Variants in CLCA1 observed in about 807,000 individuals in gnomAD.
The protein encoded by CLCA1 is calcium-activated chloride channel regulator 1.
CLCA1 carries 59 observed loss-of-function variants against 85.6 expected under a neutral mutation model. That is an observed-to-expected ratio of 0.69 (90% CI 0.56 to 0.86). The LOEUF is 0.86. CLCA1 is among the 40% of genes least tolerant of loss of function. The probability of loss-of-function intolerance (pLI) is 0.00; values close to 1 mark genes in which losing one functional copy is unlikely to be tolerated. For missense variants in CLCA1, 1,022 were observed against 1,101.4 expected (o/e 0.93, Z 1.02); for synonymous variants, 396 against 398.3 (o/e 0.99, Z 0.07).
chr1:86,493,547 T>C lies in CLCA1; in HGVS notation c.1628T>C (p.Val543Ala). Residue 543 changes from valine (V) to alanine (A), a missense_variant, in exon 10 of 14, where the codon GTA (valine) becomes GCA (alanine). Physicochemically the swap from Val to Ala is moderately conservative, Grantham distance 64. Transcript: ENST00000394711. ...AGTGGACAGAAGCAAGGTGGCTTTG[T>C]AGTGGACAAAAACACCAAAATGGCC... ...DPSGQKQGGF[V>A]VDKNTKMAYL... 1.2e-6 allele frequency: 2 copies of C among 1,614,168 alleles called. No homozygotes were observed. Among genetic ancestry groups the C allele is most frequent in the Non-Finnish European group, 1.7e-6 (2 of 1,180,014 alleles).
intron 10 of CLCA1, 48 bp downstream of exon 10, chr1:86,493,647 A>G: frequency 1.3e-5 from 18 of 1,406,166 alleles, no homozygotes; most frequent in Non-Finnish European, 1.6e-5. Context: ...AAGATAAAAT[A>G]AAGTTTTTAC....
At chr1:86,476,358 A>G (rs1251184621) in intron 3 of CLCA1, 90 bp from the exon 4 acceptor site, 5 of 669,906 alleles carry the variant, frequency 7.5e-6, no homozygotes, top group African/African-American at 5.4e-5. Context: ...ACAGCAAAGC[A>G]TAAATATTCC....
At position 86,493,503 on chromosome 1, in the gene CLCA1, A is replaced by T; in HGVS notation, c.1584A>T (p.Gln528His). Residue 528 changes from glutamine (Q) to histidine (H), a missense_variant, in exon 10 of 14, where the codon CAA (glutamine) becomes CAT (histidine). By Grantham distance (24) the Gln-to-His change is conservative (BLOSUM62 0). Coordinates refer to ENST00000394711, the MANE Select transcript of CLCA1 (RefSeq NM_001285.4). The stretch of plus-strand genomic sequence containing the variant: ...TCACCTGGACAATGCAGCCTCCCCA[A>T]ATCCTTCTCTGGGATCCCAGTGGAC... ...FLITWTMQPP[Q>H]ILLWDPSGQK... 6.2e-7 allele frequency: 1 copy of T among 1,614,054 alleles called. No individual in the cohort carries two copies. Among genetic ancestry groups the T allele is most frequent in the Non-Finnish European group, 8.5e-7 (1 of 1,179,952 alleles).
rs1472452072 is a variant in CLCA1 at position 86,489,190 on chromosome 1, G to C, written c.1357+20G>C. On this transcript the variant is annotated intron_variant, in intron 8 of 13. Transcript: ENST00000394711. ...TGACAGGTGAGGGATGATTTGCTGA[G>C]ACCCCCGGTATTGTCTCTCCTACTG... 2.5e-6 allele frequency: 4 copies of C among 1,608,750 alleles called. No individual in the cohort carries two copies. The highest frequency in any genetic ancestry group is 3.4e-6 in the Non-Finnish European group (4 of 1,177,234).
At chr1:86,476,355 A>C in intron 3 of CLCA1, 93 bp from the exon 4 acceptor site, 1 of 635,984 alleles carries the variant, frequency 1.6e-6, no homozygotes, top group Non-Finnish European at 2.9e-6. Context: ...AACACAGCAA[A>C]GCATAAATAT....
intron 3 of CLCA1, 121 bp downstream of exon 3, chr1:86,473,997 C>T: frequency 1.6e-6 from 1 of 620,422 alleles, no homozygotes; most frequent in Non-Finnish European, 2.5e-6. Context: ...GATAAAACAT[C>T]ATAGCATTTT....
chr1:86,469,971 A>C (rs1483213777), intron 1 of CLCA1, among the ~76,000 whole-genome samples: 1 of 152,232 alleles, frequency 6.6e-6, no homozygotes, highest in Non-Finnish European at 1.5e-5. Flanking sequence ...AATACGGTGC[A>C]ATACTTTGCA....
In CLCA1 at chr1:86,498,684, C is replaced by G; in HGVS notation, c.2226C>G (p.Val742=). The change falls in exon 13 of 14, where the codon GTC becomes GTG. Residue 742 remains valine (V), a synonymous_variant. Transcript: ENST00000394711. ...SSGGSFVASD[V]PNAPIPDLFP... The stretch of plus-strand genomic sequence containing the variant: ...GAGGCTCATTTGTGGCTTCTGATGT[C>G]CCAAATGCTCCCATACCTGATCTCT... 3 of 1,614,046 alleles carry G rather than the reference C, an allele frequency of 1.9e-6. No individual in the cohort carries two copies. The South Asian group carries it at 3.3e-5, about 18-fold the overall frequency.
At position 86,482,372 on chromosome 1, in the gene CLCA1, A is replaced by G; in HGVS notation, c.725A>G (p.His242Arg). 1.2e-6 allele frequency: 2 copies of G among 1,613,612 alleles called. No homozygotes were observed. Among genetic ancestry groups the G allele is most frequent in the Non-Finnish European group, 1.7e-6 (2 of 1,179,752 alleles). The change falls in exon 5 of 14, where the codon CAT becomes CGT. Residue 242 changes from histidine to arginine, a missense_variant. Coordinates refer to ENST00000394711, the MANE Select transcript of CLCA1 (RefSeq NM_001285.4). ...TEKASIMFAQ[H>R]VDSIVEFCTE... ...AAGGCTTCTATAATGTTTGCACAACATGTTGATTCTGTAAGTACCTTGTTC... is the reference window on the plus strand; with the variant it reads ...AAGGCTTCTATAATGTTTGCACAACGTGTTGATTCTGTAAGTACCTTGTTC...
intron 11 of CLCA1, 51 bp from the exon 12 acceptor site, chr1:86,495,454 A>G: frequency 6.9e-7 from 1 of 1,459,212 alleles, no homozygotes; most frequent in Admixed American, 1.8e-5. Context: ...TTGGAAATAT[A>G]CAAATACCCT....
chr1:86,489,092 C>G lies in CLCA1; in HGVS notation c.1279C>G (p.Gln427Glu). ...AAGTGGGTGCTTTAACGAGGTCAAA[C>G]AAAGTGGTGCCATCATCCACACAGT... The part of the protein sequence containing the change: ...TISGCFNEVK[Q>E]SGAIIHTVAL... The change falls in exon 8 of 14, where the codon CAA becomes GAA. Residue 427 changes from glutamine to glutamate, a missense_variant. Coordinates refer to ENST00000394711, the MANE Select transcript of CLCA1 (RefSeq NM_001285.4). 1 of 1,614,102 alleles carries G rather than the reference C, an allele frequency of 6.2e-7. No homozygotes were observed. Among genetic ancestry groups the G allele is most frequent in the South Asian group, 1.1e-5 (1 of 91,078 alleles).
chr1:86,488,653 G>A (rs950067057), intron 7 of CLCA1, among the ~76,000 whole-genome samples: 6 of 152,140 alleles, frequency 3.9e-5, no homozygotes, highest in Admixed American at 2.0e-4. Flanking sequence ...GTTTCTGAAG[G>A]CATCTTGGAA....
Position 86,485,508 on chromosome 1 carries a change from C to T in CLCA1, c.901C>T (p.Gln301Ter). The T allele has an allele frequency of 6.2e-7, 1 of 1,614,176 alleles. No individual in the cohort carries two copies. The highest frequency in any genetic ancestry group is 8.5e-7 in the Non-Finnish European group (1 of 1,180,024). ...ACCAAATCCCACCTTCTCATTGCTG[C>T]AGATTGGACAAAGAATTGTGTGTTT... is the stretch of plus-strand genomic sequence containing the variant. Reference protein sequence around the residue: ...QPPNPTFSLLQIGQRIVCLVL... With the variant: ...QPPNPTFSLL The change falls in exon 6 of 14, where the codon CAG becomes TAG. Residue 301 changes from glutamine (Q) to a stop codon, truncating the protein, a stop_gained. Transcript: ENST00000394711. LOFTEE classifies it high-confidence loss of function.
chr1:86,500,237 A>C lies in CLCA1; in HGVS notation c.*192A>C. The C allele has an allele frequency of 2.0e-6, 1 of 500,082 alleles. No homozygotes were observed. The highest frequency in any genetic ancestry group is 3.0e-5 in the East Asian group (1 of 33,172). The allele number at this position is 500,082 out of a possible 1,614,324, so 31.0% of individuals were successfully genotyped here. A position where few individuals can be genotyped will look rare whatever the true frequency, so the allele number is the denominator to read the frequency against. On this transcript the variant is annotated 3_prime_UTR_variant, in exon 14 of 14. Coordinates refer to ENST00000394711, the MANE Select transcript of CLCA1 (RefSeq NM_001285.4). ...TAGACTTCCTGTAGGGGGCGATAAA[A>C]TAAAATGCTAAACAACTGGGTATAC...
At position 86,494,241 on chromosome 1, in the gene CLCA1, G is replaced by A. The variant is rs1376465223; in HGVS notation, c.1735G>A (p.Val579Ile). 5 of 1,614,108 alleles carry A rather than the reference G, an allele frequency of 3.1e-6. No individual in the cohort carries two copies. The highest frequency in any genetic ancestry group is 4.2e-6 in the Non-Finnish European group (5 of 1,180,052). Reference sequence around the variant, plus strand: ...AAGCTCACAAACCTTGACCCTGACTGTCACGTCCCGTGCGTCCAATGCTAC... The same window carrying A: ...AAGCTCACAAACCTTGACCCTGACTATCACGTCCCGTGCGTCCAATGCTAC... ...QASSQTLTLTVTSRASNATLP... is the reference protein window; with the variant it reads ...QASSQTLTLTITSRASNATLP... The change falls in exon 11 of 14, where the codon GTC (valine) becomes ATC (isoleucine). Residue 579 changes from valine to isoleucine, a missense_variant. Transcript: ENST00000394711.
Position 86,489,282 on chromosome 1 carries a change from T to C in CLCA1, c.1357+112T>C, listed in dbSNP as rs1341974521. On this transcript the variant is annotated intron_variant, in intron 8 of 13. Coordinates refer to ENST00000394711, the MANE Select transcript of CLCA1 (RefSeq NM_001285.4). ...GATGGAGAGAGATAGGATAACCTAATTGGCTAACTAGCCACCCTTACCCCT... is the reference window on the plus strand; with the variant it reads ...GATGGAGAGAGATAGGATAACCTAACTGGCTAACTAGCCACCCTTACCCCT... The C allele has an allele frequency of 4.0e-6, 4 of 1,004,928 alleles. No individual in the cohort carries two copies. The Admixed American group carries it at 1.1e-4, about 27-fold the overall frequency. The allele number at this position is 1,004,928 out of a possible 1,614,324, so 62.3% of individuals were successfully genotyped here. A position where few individuals can be genotyped will look rare whatever the true frequency, so the allele number is the denominator to read the frequency against.
Position 86,494,263 on chromosome 1 carries a change from C to T in CLCA1, c.1757C>T (p.Ala586Val), listed in dbSNP as rs1251811737. The T allele has an allele frequency of 2.5e-6, 4 of 1,614,204 alleles. No homozygotes were observed. Among genetic ancestry groups the T allele is most frequent in the Middle Eastern group, 1.7e-4 (1 of 6,060 alleles). The change falls in exon 11 of 14, where the codon GCT (alanine) becomes GTT (valine). Residue 586 changes from alanine to valine, a missense_variant. By Grantham distance (64) the Ala-to-Val change is moderately conservative. Transcript: ENST00000394711. ...ACTGTCACGTCCCGTGCGTCCAATG[C>T]TACCCTGCCTCCAATTACAGTGACT... ...TLTVTSRASN[A>V]TLPPITVTSK...
chr1:86,483,646 T>C (rs538586235), intron 5 of CLCA1, among the ~76,000 whole-genome samples: 1 of 152,330 alleles, frequency 6.6e-6, no homozygotes, highest in East Asian at 1.9e-4. Flanking sequence ...TATATTCTCA[T>C]TTATTTCCTG....
intron 3 of CLCA1, 145 bp downstream of exon 3, chr1:86,474,021 A>G (rs1425128931): frequency 1.9e-6 from 1 of 525,502 alleles, no homozygotes; most frequent in Non-Finnish European, 3.1e-6. Context: ...CTTAAAATAG[A>G]ACATGCATTT....
Sources: gnomAD v4.1 joint callset for allele counts (sites outside exome capture counted in the v4.1 genomes callset) on GRCh38, gnomAD v4.1.1 for gene constraint, MANE v1.5 for transcripts, NCBI Gene and HGNC (gene_info 2026-07-23, HGNC 2026-07-21) for gene names.